RTRAF: variants seen among roughly 807,000 people sequenced by gnomAD.
RTRAF encodes tRNA-splicing ligase complex subunit RTRAF.
In RTRAF, 14 loss-of-function variants were observed where a neutral mutation model predicts 34.4. That is an observed-to-expected ratio of 0.41 (90% confidence interval 0.27 to 0.64). The LOEUF is 0.64. Among genes scored for constraint, RTRAF ranks in the 30% least tolerant of loss-of-function variants. The pLI, the probability that RTRAF is intolerant of heterozygous loss-of-function variation, is 0.34. For missense variants in RTRAF, 291 were observed against 288.4 expected, an observed-to-expected ratio of 1.01 and a Z score of -0.06; for synonymous variants, 96 against 95.3, an observed-to-expected ratio of 1.01 and a Z score of -0.04.
chr14:51,995,788 T>TC (rs919994739), intron 3 of RTRAF, among the ~76,000 whole-genome samples: 1 of 152,158 alleles, frequency 6.6e-6, no homozygotes, highest in African/African-American at 2.4e-5. Context: ...ATTTGAGACT[T>TC]CGTTTACTTT....
chr14:51,999,931 A>T (rs1330259458), intron 5 of RTRAF, 135 bp downstream of exon 5: 4 of 607,950 alleles, frequency 6.6e-6, no homozygotes, highest in Admixed American at 6.0e-5. Context: ...AACATAAAGT[A>T]GATTTCATGG....
intron 5 of RTRAF, 43 bp from the exon 6 acceptor site, chr14:52,001,755 G>GT (rs755423596): frequency 2.9e-5 from 44 of 1,523,532 alleles, no homozygotes; most frequent in Admixed American, 3.4e-5. Flanking sequence ...AGGATGACAG[G>GT]TACACAGCCT....
chr14:51,989,738 C>T (rs1416553533), intron 1 of RTRAF, 38 bp downstream of exon 1: 4 of 1,569,914 alleles, frequency 2.5e-6, no homozygotes, highest in Non-Finnish European at 3.5e-6. Flanking sequence ...GTGTCCCTGA[C>T]CTGGGCGGAG....
rs983247194 is a variant in RTRAF, at chr14:52,004,436, A to G, written c.655A>G (p.Ile219Val). The stretch of plus-strand genomic sequence containing the variant: ...GGAGCTCAGAGAGCTACAGACAAAA[A>G]TCAACGAAGCCATAGTAGCTGTTCA... ...IEELRELQTK[I>V]NEAIVAVQAI... Residue 219 changes from isoleucine to valine, a missense_variant, in exon 8 of 8, where the codon ATC becomes GTC. Physicochemically the swap from Ile to Val is conservative, Grantham distance 29. Coordinates refer to ENST00000261700, the MANE Select transcript of RTRAF (RefSeq NM_016039.3). 4 of 1,613,900 alleles carry G rather than the reference A, an allele frequency of 2.5e-6. No individual in the cohort carries two copies. The highest frequency in any genetic ancestry group is 2.7e-5 in the African/African-American group (2 of 74,922).
intron 5 of RTRAF, among the ~76,000 whole-genome samples, chr14:52,000,407 C>G (rs1014664105): frequency 7.2e-5 from 11 of 152,034 alleles, no homozygotes; most frequent in Non-Finnish European, 1.6e-4. Context: ...AAATCATAAA[C>G]TTCAGAAGAT....
chr14:51,995,393 C>T (rs1187211703), intron 3 of RTRAF, among the ~76,000 whole-genome samples: 2 of 152,068 alleles, frequency 1.3e-5, no homozygotes, highest in African/African-American at 4.8e-5. Flanking sequence ...ATTTTCCAGT[C>T]TCTTATCTGA....
chr14:51,990,005 A>G (rs952115961), intron 1 of RTRAF, among the ~76,000 whole-genome samples: 2 of 151,764 alleles, frequency 1.3e-5, no homozygotes, highest in Non-Finnish European at 2.9e-5. Flanking sequence ...TCACTATTCA[A>G]CTCCATGGTT....
chr14:51,994,968 C>A (rs1364525003), intron 3 of RTRAF, among the ~76,000 whole-genome samples: 2 of 151,842 alleles, frequency 1.3e-5, no homozygotes, highest in African/African-American at 4.8e-5. Flanking sequence ...TTTTTAAGAT[C>A]CATCTCATAT....
intron 2 of RTRAF, 110 bp from the exon 3 acceptor site, chr14:51,993,613 A>G: frequency 1.5e-6 from 1 of 659,020 alleles, no homozygotes; most frequent in Non-Finnish European, 2.6e-6. Context: ...TAATGTTATT[A>G]AAAAATTGTT....
Position 52,006,439 on chromosome 14 carries a change from T to TA in RTRAF, c.*1925dup. Reference sequence around the variant, plus strand: ...GATGAAACAAAAGCCTCAGAGGGCTTAATGAGTCAAGTCAGGTACTGACTT... The same window carrying TA: ...GATGAAACAAAAGCCTCAGAGGGCTTAAATGAGTCAAGTCAGGTACTGACTT... On this transcript the variant is annotated 3_prime_UTR_variant, in exon 8 of 8. Coordinates refer to ENST00000261700, the MANE Select transcript of RTRAF (RefSeq NM_016039.3). 1.4e-6 allele frequency: 2 copies of TA among 1,414,164 alleles called. No homozygotes were observed. Among genetic ancestry groups the TA allele is most frequent in the East Asian group, 2.3e-5 (1 of 43,292 alleles). 87.6% of individuals were successfully genotyped at this position (1,414,164 alleles called of 1,614,324 possible).
At position 52,007,002 on chromosome 14, in the gene RTRAF, GCT is replaced by G. The variant is rs1890811389; in HGVS notation, c.*2487_*2488del. ...CTGGGTAAATACTTGCCCTTTGTAAGCTATGTCTATAATTACTGAGGCAACCT... is the reference window on the plus strand; with the variant it reads ...CTGGGTAAATACTTGCCCTTTGTAAGATGTCTATAATTACTGAGGCAACCT... On this transcript the variant is annotated 3_prime_UTR_variant, in exon 8 of 8. Coordinates refer to ENST00000261700, the MANE Select transcript of RTRAF (RefSeq NM_016039.3). The G allele has an allele frequency of 5.9e-6, 1 of 168,970 alleles. No individual in the cohort carries two copies. The highest frequency in any genetic ancestry group is 2.4e-5 in the African/African-American group (1 of 41,772). The allele number at this position is 168,970 out of a possible 1,614,324, so 10.5% of individuals were successfully genotyped here.
intron 2 of RTRAF, among the ~76,000 whole-genome samples, chr14:51,993,190 A>C (rs1390532505): frequency 6.6e-6 from 1 of 152,170 alleles, no homozygotes; most frequent in African/African-American, 2.4e-5. Context: ...CTTATATTAC[A>C]TATAATTAAT....
At chr14:51,997,061 A>G (rs1288861224) in intron 3 of RTRAF, among the ~76,000 whole-genome samples, 2 of 152,036 alleles carry the variant, frequency 1.3e-5, no homozygotes, top group African/African-American at 4.8e-5. Flanking sequence ...GAGATACGTG[A>G]TAGCGATATG....
chr14:52,001,966 A>G, intron 6 of RTRAF, 100 bp downstream of exon 6: 3 of 1,003,470 alleles, frequency 3.0e-6, no homozygotes, highest in Non-Finnish European at 2.9e-6. Flanking sequence ...TATCCATTCT[A>G]CGTTCTACAA....
At position 52,006,645 on chromosome 14, in the gene RTRAF, T is replaced by G. The variant is rs758453367; in HGVS notation, c.*2129T>G. The G allele has an allele frequency of 6.2e-7, 1 of 1,613,358 alleles. No individual in the cohort carries two copies. Among genetic ancestry groups the G allele is most frequent in the Non-Finnish European group, 8.5e-7 (1 of 1,179,548 alleles). On this transcript the variant is annotated 3_prime_UTR_variant, in exon 8 of 8. Coordinates refer to ENST00000261700, the MANE Select transcript of RTRAF (RefSeq NM_016039.3). Reference sequence around the variant, plus strand: ...TCCAGTTCCATCAGGTAGTGTACACTCCAGTTTTTTGGTTCCTTTTAAAAC... The same window carrying G: ...TCCAGTTCCATCAGGTAGTGTACACGCCAGTTTTTTGGTTCCTTTTAAAAC...
chr14:52,003,151 C>G (rs1890632499), intron 6 of RTRAF, among the ~76,000 whole-genome samples: 1 of 151,946 alleles, frequency 6.6e-6, no homozygotes, highest in Non-Finnish European at 1.5e-5. Context: ...CAAAAGATAC[C>G]AGCCTATAAC....
At position 52,008,409 on chromosome 14, in the gene RTRAF, G is replaced by T. The variant is rs1204743950; in HGVS notation, c.*3893G>T. ...TTGGCCATTACCTGATTGCAGCCTT[G>T]TGAGAGACTCCATGCCTGAGGGAGC... On this transcript the variant is annotated 3_prime_UTR_variant, in exon 8 of 8. Coordinates refer to ENST00000261700, the MANE Select transcript of RTRAF (RefSeq NM_016039.3). 1 of 153,906 alleles carries T rather than the reference G, an allele frequency of 6.5e-6. No individual in the cohort carries two copies. Among genetic ancestry groups the T allele is most frequent in the African/African-American group, 2.4e-5 (1 of 41,468 alleles). The allele number at this position is 153,906 out of a possible 1,614,324, so 9.5% of individuals were successfully genotyped here. A position where few individuals can be genotyped will look rare whatever the true frequency, so the allele number is the denominator to read the frequency against.
chr14:51,991,544 A>T, intron 2 of RTRAF, 103 bp downstream of exon 2: 2 of 1,351,924 alleles, frequency 1.5e-6, no homozygotes, highest in East Asian at 2.4e-5. Flanking sequence ...AATGATAATG[A>T]TCAGTGTTAG....
chr14:51,992,943 T>A (rs1272051292), intron 2 of RTRAF, among the ~76,000 whole-genome samples: 1 of 152,102 alleles, frequency 6.6e-6, no homozygotes, highest in Non-Finnish European at 1.5e-5. Context: ...GCCAGGAGAA[T>A]CATTTGAACT....
Sources: gnomAD v4.1 joint callset for allele counts (sites outside exome capture counted in the v4.1 genomes callset) on GRCh38, gnomAD v4.1.1 for gene constraint, MANE v1.5 for transcripts, NCBI Gene and HGNC (gene_info 2026-07-23, HGNC 2026-07-21) for gene names.